Variants in ATG7 observed in about 807,000 individuals in gnomAD.
The protein encoded by ATG7 is ubiquitin-like modifier-activating enzyme ATG7.
A neutral mutation model predicts 82.4 loss-of-function variants in ATG7; 70 were observed. The observed-to-expected ratio is 0.85, with a 90% CI of 0.70 to 1.04. The LOEUF is 1.04. Among genes scored for constraint, ATG7 ranks in the 50% least tolerant of loss-of-function variants. ATG7 has a pLI of 0.00. For synonymous variants in ATG7, 287 were observed against 313.0 expected, an observed-to-expected ratio of 0.92 and a Z score of 0.88; for missense variants, 792 against 864.3, an observed-to-expected ratio of 0.92 and a Z score of 1.05.
intron 16 of ATG7, among the ~76,000 whole-genome samples, chr3:11,361,805 T>C (rs2076303237): frequency 6.6e-6 from 1 of 152,218 alleles, no homozygotes; most frequent in South Asian, 2.1e-4. Context: ...ATTAAGATTC[T>C]ATGACTTTCA....
At chr3:11,558,886 G>T, downstream of ATG7, 1 of 1,578,156 alleles carries the variant, frequency 6.3e-7, no homozygotes. Flanking sequence ...AGACAGGCAC[G>T]GTTGCAGCAC....
intron 20 of ATG7, among the ~76,000 whole-genome samples, chr3:11,484,764 A>G (rs569378538): frequency 2.6e-4 from 39 of 152,068 alleles, no homozygotes; most frequent in African/African-American, 7.2e-4. Flanking sequence ...TCATTGTTCA[A>G]TTCCCACCTA....
chr3:11,572,868 C>A, the ATG7 span, among the ~76,000 whole-genome samples: 137,791 of 152,034 alleles, frequency 0.91, 62,686 homozygotes, highest in East Asian at 1. Flanking sequence ...GTTTTTCCTT[C>A]TGAAAATGAC....
chr3:11,477,044 T>C (rs1056369001), intron 20 of ATG7: 1 of 1,216,826 alleles, frequency 8.2e-7, no homozygotes, highest in Admixed American at 2.3e-5. Context: ...TTATGCACAA[T>C]GGGCACTTGA....
chr3:11,496,934 A>G (rs1014430554), intron 20 of ATG7, among the ~76,000 whole-genome samples: 9 of 151,322 alleles, frequency 5.9e-5, no homozygotes, highest in African/African-American at 2.2e-4. Flanking sequence ...ATCTCGGCTC[A>G]CTGCAACCTC....
intron 20 of ATG7, among the ~76,000 whole-genome samples, chr3:11,458,526 G>T (rs2085979356): frequency 6.6e-6 from 1 of 152,140 alleles, no homozygotes; most frequent in African/African-American, 2.4e-5. Flanking sequence ...GCATCCCAAA[G>T]TGCCGGGATT....
At chr3:11,412,918 A>C (rs2081045871) in intron 19 of ATG7, among the ~76,000 whole-genome samples, 1 of 152,138 alleles carries the variant, frequency 6.6e-6, no homozygotes, top group African/African-American at 2.4e-5. Flanking sequence ...CTTTCACCTG[A>C]AGTTAATTCC....
At chr3:11,484,880 T>G (rs2153037761) in intron 20 of ATG7, among the ~76,000 whole-genome samples, 1 of 152,328 alleles carries the variant, frequency 6.6e-6, no homozygotes, top group African/African-American at 2.4e-5. Flanking sequence ...AACTCATCAT[T>G]TTTTATGGCT....
At chr3:11,483,381 C>T (rs1396438115) in intron 20 of ATG7, among the ~76,000 whole-genome samples, 2 of 152,168 alleles carry the variant, frequency 1.3e-5, no homozygotes, top group Non-Finnish European at 2.9e-5. Flanking sequence ...TGTCAGATAT[C>T]CACTGAGCTC....
At chr3:11,456,323 T>C (rs1559662225) in intron 20 of ATG7, among the ~76,000 whole-genome samples, 1 of 152,240 alleles carries the variant, frequency 6.6e-6, no homozygotes, top group Non-Finnish European at 1.5e-5. Flanking sequence ...ACTTCATTCC[T>C]TTTTAAGGCC....
chr3:11,466,422 G>A (rs1442135392), intron 20 of ATG7, among the ~76,000 whole-genome samples: 1 of 152,140 alleles, frequency 6.6e-6, no homozygotes, highest in African/African-American at 2.4e-5. Flanking sequence ...TACTTGCTTG[G>A]CAGAGACACA....
chr3:11,479,000 ACACACAC>A (rs773544666), intron 20 of ATG7, among the ~76,000 whole-genome samples: 6,510 of 150,414 alleles, frequency 0.043, 176 homozygotes, highest in Middle Eastern at 0.051. Flanking sequence ...ACACACACAC[ACACACAC>A]ACACACACAC....
intron 20 of ATG7, among the ~76,000 whole-genome samples, chr3:11,441,924 C>T (rs987670642): frequency 6.6e-6 from 1 of 151,944 alleles, no homozygotes; most frequent in Non-Finnish European, 1.5e-5. Context: ...CCTTGGCCTC[C>T]CAAAGTGCTG....
At chr3:11,334,293 G>T (rs1343231640) in intron 11 of ATG7, among the ~76,000 whole-genome samples, 1 of 150,420 alleles carries the variant, frequency 6.6e-6, no homozygotes, top group Non-Finnish European at 1.5e-5. Context: ...CACCCAGGCT[G>T]GAGTGCAGTG....
Position 11,377,873 on chromosome 3 carries a change from A to G in ATG7, c.1876-2099A>G, listed in dbSNP as rs531976844. ...CTTTTCTGCTATTTTGATGTCTCCT[A>G]TTTTGACGTCCTGAATAGCAAACTT... On this transcript the variant is annotated intron_variant, in intron 18 of 20. Transcript: ENST00000693202. Among the ~76,000 whole-genome samples the G allele has an allele frequency of 1.2e-4, 18 of 152,110 alleles. No individual in the cohort carries two copies. The South Asian group carries it at 3.5e-3, about 30-fold the overall frequency.
intron 20 of ATG7, among the ~76,000 whole-genome samples, chr3:11,453,458 G>C (rs148361341): frequency 7.2e-4 from 110 of 152,290 alleles, no homozygotes; most frequent in African/African-American, 2.6e-3. Context: ...CACACCCTTC[G>C]TCAGGATGTA....
intron 14 of ATG7, 127 bp downstream of exon 14, chr3:11,348,162 T>C (rs946218737): frequency 2.2e-5 from 28 of 1,297,322 alleles, no homozygotes; most frequent in Non-Finnish European, 2.5e-5. Flanking sequence ...ACTCGCTATG[T>C]GGCTGAACCT....
At chr3:11,330,504 A>G (rs527973623) in intron 9 of ATG7, among the ~76,000 whole-genome samples, 3 of 152,154 alleles carry the variant, frequency 2.0e-5, no homozygotes, top group African/African-American at 7.2e-5. Context: ...GCCCCAATTC[A>G]TTTGTTTTTT....
chr3:11,546,678 G>A (rs1320876243), intron 20 of ATG7, among the ~76,000 whole-genome samples: 1 of 152,210 alleles, frequency 6.6e-6, no homozygotes, highest in African/African-American at 2.4e-5. Context: ...CCTTTGGAGA[G>A]AGTTAAACCT....
Sources: allele counts gnomAD v4.1 joint callset (sites outside exome capture counted in the v4.1 genomes callset), GRCh38; gene constraint gnomAD v4.1.1; transcripts MANE v1.5; gene names NCBI Gene and HGNC (gene_info 2026-07-23, HGNC 2026-07-21).